PDIA4: variants seen among roughly 807,000 people sequenced by gnomAD.
The protein encoded by PDIA4 is protein disulfide-isomerase A4.
A neutral mutation model predicts 62.1 loss-of-function variants in PDIA4; 33 were observed. The observed-to-expected ratio is 0.53, with a 90% CI of 0.40 to 0.71. PDIA4 has a LOEUF of 0.71. PDIA4 is among the 30% of genes least tolerant of loss of function. The pLI, the probability that PDIA4 is intolerant of heterozygous loss-of-function variation, is 0.00. For missense variants in PDIA4, 804 were observed against 813.6 expected (o/e 0.99, Z 0.14); for synonymous variants, 341 against 324.1 (o/e 1.05, Z -0.56).
At position 149,003,503 on chromosome 7, in the gene PDIA4, A is replaced by G. The variant is rs906767783; in HGVS notation, c.*291T>C. 1.3e-5 allele frequency: 4 copies of G among 298,904 alleles called. No homozygotes were observed. Among genetic ancestry groups the G allele is most frequent in the Non-Finnish European group, 2.4e-5 (4 of 164,348 alleles). The allele number at this position is 298,904 out of a possible 1,614,324, so 18.5% of individuals were successfully genotyped here. ...AAAGAAAACATTTTCACACAGAAGA[A>G]TTATCTGCTTTGAGAAATAAAGAAA... On this transcript the variant is annotated 3_prime_UTR_variant, in exon 10 of 10. Coordinates refer to ENST00000652332, the MANE Select transcript of PDIA4 (RefSeq NM_004911.5).
At chr7:149,021,219 G>C (rs958814741) in intron 1 of PDIA4, 72 bp from the exon 2 acceptor site, 8 of 1,485,788 alleles carry the variant, frequency 5.4e-6, no homozygotes, top group Middle Eastern at 1.7e-4. Flanking sequence ...GGCCGGGCGC[G>C]GTGGCTCACA....
At chr7:149,018,476 G>A (rs1296391026) in intron 3 of PDIA4, among the ~76,000 whole-genome samples, 4 of 151,878 alleles carry the variant, frequency 2.6e-5, no homozygotes, top group Non-Finnish European at 5.9e-5. Flanking sequence ...CTGTCACCCA[G>A]GCTGGAGTGA....
At chr7:149,021,759 G>A (rs559701984) in intron 1 of PDIA4, among the ~76,000 whole-genome samples, 7 of 152,200 alleles carry the variant, frequency 4.6e-5, no homozygotes, top group South Asian at 4.1e-4. Context: ...CCAGAGTCGC[G>A]GCCCCCTGCC....
At chr7:149,021,488 CAA>C (rs34989074) in intron 1 of PDIA4, among the ~76,000 whole-genome samples, 115 of 64,884 alleles carry the variant, frequency 1.8e-3, no homozygotes, top group Admixed American at 3.9e-3. Context: ...CACTTCATCT[CAA>C]AAAAAAAAAA....
chr7:149,016,285 G>A (rs1563122200), intron 3 of PDIA4, among the ~76,000 whole-genome samples: 1 of 152,144 alleles, frequency 6.6e-6, no homozygotes, highest in African/African-American at 2.4e-5. Context: ...GGGAGACAGA[G>A]GAAGACTCCA....
At chr7:149,024,413 A>C (rs181360447) in intron 1 of PDIA4, among the ~76,000 whole-genome samples, 1 of 152,252 alleles carries the variant, frequency 6.6e-6, no homozygotes, top group Admixed American at 6.5e-5. Flanking sequence ...CTAGCCTTCT[A>C]TCTACCAGAA....
At chr7:149,020,694 C>T (rs543475552) in intron 2 of PDIA4, among the ~76,000 whole-genome samples, 19 of 152,316 alleles carry the variant, frequency 1.2e-4, no homozygotes, top group African/African-American at 4.6e-4. Flanking sequence ...TTGTTAAATG[C>T]CCGTCCCCCA....
chr7:149,016,389 G>A (rs1167301770), intron 3 of PDIA4, among the ~76,000 whole-genome samples: 1 of 152,200 alleles, frequency 6.6e-6, no homozygotes, highest in African/African-American at 2.4e-5. Context: ...ATAAAAACAT[G>A]AAGGTACAGG....
At chr7:149,012,657 G>A (rs894599769) in intron 4 of PDIA4, among the ~76,000 whole-genome samples, 15 of 152,220 alleles carry the variant, frequency 9.9e-5, no homozygotes, top group African/African-American at 3.6e-4. Context: ...GAGAGGCCAA[G>A]AGAGACACTG....
chr7:149,021,028 C>T lies in PDIA4; in HGVS notation c.208G>A (p.Ala70Thr). 1 of 1,614,150 alleles carries T rather than the reference C, an allele frequency of 6.2e-7. No homozygotes were observed. The highest frequency in any genetic ancestry group is 8.5e-7 in the Non-Finnish European group (1 of 1,180,008). ...TCAGCCACAAAATTATCAAAGTTTG[C>T]ATCATTTAGGACCAAGACTCCATTT... is the stretch of plus-strand genomic sequence containing the variant. ...EENGVLVLND[A>T]NFDNFVADKD... Residue 70 changes from alanine to threonine, a missense_variant, in exon 2 of 10, where the codon GCA becomes ACA. Coordinates refer to ENST00000652332, the MANE Select transcript of PDIA4 (RefSeq NM_004911.5).
In PDIA4 at chr7:149,012,285, A is replaced by T; in HGVS notation, c.690T>A (p.Ile230=). Residue 230 remains isoleucine (I), a synonymous_variant, in exon 5 of 10, where the codon ATT becomes ATA. Transcript: ENST00000652332. ...AKELSKRSPP[I]PLAKVDATAE... ...CGGTGGCGTCGACCTTTGCCAGGGG[A>T]ATTGGAGGAGAACGCTTGCTGAGCT... 4.3e-6 allele frequency: 7 copies of T among 1,613,816 alleles called. No homozygotes were observed. Among genetic ancestry groups the T allele is most frequent in the Non-Finnish European group, 5.9e-6 (7 of 1,179,944 alleles).
Position 149,021,080 on chromosome 7 carries a change from TTCC to T in PDIA4, c.153_155del (p.Glu53del), listed in dbSNP as rs1563123693. The T allele has an allele frequency of 6.2e-7, 1 of 1,613,630 alleles. No homozygotes were observed. The highest frequency in any genetic ancestry group is 8.5e-7 in the Non-Finnish European group (1 of 1,179,658). On this transcript the variant is annotated inframe_deletion, in exon 2 of 10. Coordinates refer to ENST00000652332, the MANE Select transcript of PDIA4 (RefSeq NM_004911.5). ...CTTCCTTAACTTCCAAGTCGTCTTC[TTCC>T]TCATCATCATCTTCCTCCTCCTCCT... is the stretch of plus-strand genomic sequence containing the variant.
intron 3 of PDIA4, among the ~76,000 whole-genome samples, chr7:149,015,675 T>C (rs1361095583): frequency 1.3e-5 from 2 of 152,192 alleles, no homozygotes; most frequent in Non-Finnish European, 2.9e-5. Flanking sequence ...CAAGCAGTTC[T>C]TAGGACGAGT....
chr7:149,019,518 G>A (rs990284146), intron 2 of PDIA4, among the ~76,000 whole-genome samples: 1 of 152,190 alleles, frequency 6.6e-6, no homozygotes, highest in East Asian at 1.9e-4. Context: ...TCAGGAGTTT[G>A]AGACCAGCCT....
Position 149,021,097 on chromosome 7 carries a change from C to A in PDIA4, c.139G>T (p.Glu47Ter). Residue 47 changes from glutamate to a stop codon, truncating the protein, a stop_gained, in exon 2 of 10, where the codon GAA becomes TAA. Coordinates refer to ENST00000652332, the MANE Select transcript of PDIA4 (RefSeq NM_004911.5). LOFTEE classifies it high-confidence loss of function. ...AIEDEEEEEE[E>*]DDDEEEDDLE... The stretch of plus-strand genomic sequence containing the variant: ...TCGTCTTCTTCCTCATCATCATCTT[C>A]CTCCTCCTCCTCCTCTTCATCCTCA... 1 of 1,568,910 alleles carries A rather than the reference C, an allele frequency of 6.4e-7. No homozygotes were observed.
At position 149,028,387 on chromosome 7, in the gene PDIA4, G is replaced by A; in HGVS notation, c.22C>T (p.Leu8=). The A allele has an allele frequency of 6.6e-7, 1 of 1,523,180 alleles. No individual in the cohort carries two copies. Among genetic ancestry groups the A allele is most frequent in the Non-Finnish European group, 8.8e-7 (1 of 1,136,202 alleles). The allele number at this position is 1,523,180 out of a possible 1,614,324, so 94.4% of individuals were successfully genotyped here. A position where few individuals can be genotyped will look rare whatever the true frequency, so the allele number is the denominator to read the frequency against. Residue 8 remains leucine, a synonymous_variant, in exon 1 of 10, where the codon CTG becomes TTG. Transcript: ENST00000652332. MRPRKAF[L]LLLLLGLVQL... Reference sequence around the variant, plus strand: ...ACCAGCCCCAAGAGCAGCAGGAGCAGGAAGGCTTTCCGGGGCCTCATGGTA... The same window carrying A: ...ACCAGCCCCAAGAGCAGCAGGAGCAAGAAGGCTTTCCGGGGCCTCATGGTA...
intron 1 of PDIA4, among the ~76,000 whole-genome samples, chr7:149,024,407 C>G (rs1331822781): frequency 6.6e-6 from 1 of 152,154 alleles, no homozygotes; most frequent in African/African-American, 2.4e-5. Flanking sequence ...CTAGCTCTAG[C>G]CTTCTATCTA....
chr7:149,007,213 G>T (rs1823791023), intron 7 of PDIA4, among the ~76,000 whole-genome samples: 1 of 152,130 alleles, frequency 6.6e-6, no homozygotes, highest in South Asian at 2.1e-4. Flanking sequence ...AACTGAGGAA[G>T]GAAACAGAGG....
Position 149,003,579 on chromosome 7 carries a change from G to A in PDIA4, c.*215C>T. ...CAAACCCCAAATAATGATAAAAATA[G>A]ATGTATCCTCTGTAAAAATCTGGAC... On this transcript the variant is annotated 3_prime_UTR_variant, in exon 10 of 10. Transcript: ENST00000652332. 2.5e-6 allele frequency: 1 copy of A among 397,320 alleles called. No individual in the cohort carries two copies. Among genetic ancestry groups the A allele is most frequent in the Admixed American group, 4.4e-5 (1 of 22,912 alleles). 24.6% of individuals were successfully genotyped at this position (397,320 alleles called of 1,614,324 possible).
Sources: allele counts gnomAD v4.1 joint callset (sites outside exome capture counted in the v4.1 genomes callset), GRCh38; gene constraint gnomAD v4.1.1; transcripts MANE v1.5; gene names NCBI Gene and HGNC (gene_info 2026-07-23, HGNC 2026-07-21).